The following BMERB1 variants were observed in gnomAD, a reference collection of about 807,000 sequenced individuals.
BMERB1 encodes bMERB domain-containing protein 1.
Under a neutral mutation model 23.6 loss-of-function variants are expected in BMERB1, and 12 were observed. The observed-to-expected ratio is 0.51, with a 90% CI of 0.33 to 0.82. The LOEUF is 0.82. Among genes scored for constraint, BMERB1 ranks in the 40% least tolerant of loss-of-function variants. The pLI is 0.03. For synonymous variants in BMERB1, 122 were observed against 96.6 expected, an observed-to-expected ratio of 1.26 and a Z score of -1.54; for missense variants, 247 against 255.4, an observed-to-expected ratio of 0.97 and a Z score of 0.22.
At chr16:15,534,537 G>GAGT (rs2052007047) in intron 2 of BMERB1, among the ~76,000 whole-genome samples, 1 of 152,010 alleles carries the variant, frequency 6.6e-6, no homozygotes. Context: ...CTGGGCAAGA[G>GAGT]AGTGAGACTC....
At chr16:15,493,721 A>G (rs964167622) in intron 1 of BMERB1, among the ~76,000 whole-genome samples, 3 of 139,896 alleles carry the variant, frequency 2.1e-5, no homozygotes, top group African/African-American at 7.6e-5. Flanking sequence ...CCTCATTCAG[A>G]TGAGGATATA....
At chr16:15,586,627 C>A in intron 5 of BMERB1, 90 bp from the exon 6 acceptor site, 2 of 1,077,888 alleles carry the variant, frequency 1.9e-6, no homozygotes, top group Non-Finnish European at 2.8e-6. Context: ...TGCAGTGGGG[C>A]TGGGCTGCAG....
At chr16:15,518,004 TGTGTGTGGGTGTGGATGTGTGC>T (rs1300604455) in intron 2 of BMERB1, among the ~76,000 whole-genome samples, 1 of 151,702 alleles carries the variant, frequency 6.6e-6, no homozygotes, top group Non-Finnish European at 1.5e-5. Context: ...TGTGTGGATG[TGTGTGTGGGTGTGGATGTGTGC>T]GTGTGTGGAT....
chr16:15,504,930 A>G (rs1181540949), intron 1 of BMERB1, among the ~76,000 whole-genome samples: 2 of 152,042 alleles, frequency 1.3e-5, no homozygotes, highest in African/African-American at 2.4e-5. Context: ...CCAATGACTG[A>G]AATGAATAGC....
intron 3 of BMERB1, among the ~76,000 whole-genome samples, chr16:15,578,682 G>C (rs1168057559): frequency 9.9e-5 from 15 of 152,122 alleles, no homozygotes; most frequent in Non-Finnish European, 5.9e-5. Flanking sequence ...GTGACGGCCT[G>C]TTCCTTATAG....
intron 2 of BMERB1, among the ~76,000 whole-genome samples, chr16:15,542,314 G>A (rs2052094320): frequency 6.6e-6 from 1 of 151,688 alleles, no homozygotes. Flanking sequence ...CTGCCGGCCT[G>A]GACCTCCCAA....
intron 3 of BMERB1, among the ~76,000 whole-genome samples, chr16:15,573,939 A>T (rs978577899): frequency 3.5e-5 from 5 of 144,154 alleles, no homozygotes; most frequent in African/African-American, 1.3e-4. Context: ...CAACCCTTAT[A>T]AAACCATCAG....
intron 2 of BMERB1, among the ~76,000 whole-genome samples, chr16:15,541,434 T>TC (rs2052078665): frequency 6.9e-6 from 1 of 144,802 alleles, no homozygotes; most frequent in South Asian, 2.3e-4. Context: ...TTTTTTTTTT[T>TC]TTTTTTTTTT....
rs573177032 is a variant in BMERB1, at chr16:15,445,193, A to C, written c.106+10434A>C. ...TAGGCATGAGCCACCACGCCTGGTT[A>C]TTTCACCTCTTAAGCTTTGGTTTCT... On this transcript the variant is annotated intron_variant, in intron 1 of 5. Transcript: ENST00000300006. Among the ~76,000 whole-genome samples the C allele has an allele frequency of 6.6e-5, 10 of 152,210 alleles. No homozygotes were observed. The East Asian group carries it at 1.5e-3, about 24-fold the overall frequency.
chr16:15,495,272 C>T (rs1486015785), intron 1 of BMERB1, among the ~76,000 whole-genome samples: 34 of 152,136 alleles, frequency 2.2e-4, no homozygotes, highest in Admixed American at 2.2e-3. Context: ...AGTGCAGTGG[C>T]GTGATCTCCA....
intron 2 of BMERB1, chr16:15,532,960 T>C (rs1259441211): frequency 4.4e-6 from 2 of 454,404 alleles, no homozygotes; most frequent in East Asian, 1.4e-4. Flanking sequence ...TACACCTAGA[T>C]TTACATTCTA....
intron 5 of BMERB1, among the ~76,000 whole-genome samples, chr16:15,585,338 A>G (rs1223477089): frequency 6.6e-6 from 1 of 152,232 alleles, no homozygotes; most frequent in African/African-American, 2.4e-5. Flanking sequence ...CACCACATGC[A>G]AGGGGCCAAC....
At chr16:15,559,722 T>C (rs1467129842) in intron 2 of BMERB1, among the ~76,000 whole-genome samples, 2 of 152,202 alleles carry the variant, frequency 1.3e-5, no homozygotes, top group Non-Finnish European at 2.9e-5. Flanking sequence ...GATGGACAGC[T>C]TGGGGTCGGG....
At chr16:15,546,029 G>A (rs1044487270) in intron 2 of BMERB1, among the ~76,000 whole-genome samples, 1 of 152,168 alleles carries the variant, frequency 6.6e-6, no homozygotes, top group Admixed American at 6.5e-5. Context: ...GCTCACGCCT[G>A]TAATCCCAAC....
At position 15,434,653 on chromosome 16, in the gene BMERB1, G is replaced by C. The variant is rs763210203; in HGVS notation, c.-1G>C. On this transcript the variant is annotated 5_prime_UTR_variant, in exon 1 of 6. Coordinates refer to ENST00000300006, the MANE Select transcript of BMERB1 (RefSeq NM_033201.3). The stretch of plus-strand genomic sequence containing the variant: ...CGTCGACCTGGCCACGGGGATCAGC[G>C]ATGGAATTAAAGCAATCTTTGTCCA... The C allele has an allele frequency of 6.2e-7, 1 of 1,613,858 alleles. No individual in the cohort carries two copies. The highest frequency in any genetic ancestry group is 2.2e-5 in the East Asian group (1 of 44,866).
chr16:15,573,522 G>C (rs1375157350), intron 3 of BMERB1, among the ~76,000 whole-genome samples: 1 of 152,046 alleles, frequency 6.6e-6, no homozygotes, highest in East Asian at 1.9e-4. Context: ...CACTGAGTCA[G>C]TTCCTGGGTT....
intron 2 of BMERB1, among the ~76,000 whole-genome samples, chr16:15,527,298 T>C (rs1368865303): frequency 1.3e-5 from 2 of 152,170 alleles, no homozygotes; most frequent in African/African-American, 4.8e-5. Flanking sequence ...TTGATGACTC[T>C]ACATACTTCA....
At chr16:15,461,124 CAAAA>C (rs35746898) in intron 1 of BMERB1, among the ~76,000 whole-genome samples, 1 of 131,316 alleles carries the variant, frequency 7.6e-6, no homozygotes, top group Non-Finnish European at 1.6e-5. Flanking sequence ...GACTCTGTCT[CAAAA>C]AAAAAAAAAA....
intron 3 of BMERB1, among the ~76,000 whole-genome samples, chr16:15,572,408 C>T (rs993370301): frequency 1.2e-4 from 18 of 152,160 alleles, no homozygotes; most frequent in South Asian, 2.1e-4. Flanking sequence ...TAAGGATAAA[C>T]GAGTGAATAG....
Sources: allele counts gnomAD v4.1 joint callset (sites outside exome capture counted in the v4.1 genomes callset), GRCh38; gene constraint gnomAD v4.1.1; transcripts MANE v1.5; gene names NCBI Gene and HGNC (gene_info 2026-07-23, HGNC 2026-07-21).